Variants in EFCAB6 observed in about 807,000 individuals in gnomAD.
EFCAB6 encodes the protein EF-hand calcium binding domain 6, also known as EF-hand calcium-binding domain-containing protein 6.
In EFCAB6, 156 loss-of-function variants were observed where a neutral mutation model predicts 169.8. That is an observed-to-expected ratio of 0.92 (90% CI 0.81 to 1.05). The LOEUF (loss-of-function observed/expected upper bound fraction) is 1.05, where lower values mean the gene tolerates loss of function less well. Ranked by LOEUF, EFCAB6 falls within the 50% of genes least tolerant of loss-of-function variation. The probability of loss-of-function intolerance (pLI) is 0.00; values close to 1 mark genes in which losing one functional copy is unlikely to be tolerated. For missense variants in EFCAB6, 1,800 were observed against 1,829.1 expected (o/e 0.98, Z 0.29); for synonymous variants, 698 against 676.4 (o/e 1.03, Z -0.50).
At chr22:43,550,057 G>C (rs1298817997) in intron 27 of EFCAB6, among the ~76,000 whole-genome samples, 2 of 152,194 alleles carry the variant, frequency 1.3e-5, no homozygotes, top group Admixed American at 6.5e-5. Flanking sequence ...GCTTTGCTCT[G>C]CATGGAGTCA....
intron 6 of EFCAB6, among the ~76,000 whole-genome samples, chr22:43,738,308 C>T (rs560264032): frequency 4.0e-5 from 6 of 149,080 alleles, no homozygotes; most frequent in East Asian, 2.0e-4. Flanking sequence ...ACACTCACAC[C>T]GTCACTCACA....
intron 24 of EFCAB6, among the ~76,000 whole-genome samples, chr22:43,583,801 C>A (rs998104548): frequency 1.3e-5 from 2 of 152,168 alleles, no homozygotes; most frequent in Admixed American, 6.5e-5. Flanking sequence ...CAATTCTGAA[C>A]TTCCTAGCCT....
chr22:43,645,374 T>C (rs2056090053), intron 17 of EFCAB6, among the ~76,000 whole-genome samples: 1 of 152,254 alleles, frequency 6.6e-6, no homozygotes, highest in South Asian at 2.1e-4. Flanking sequence ...TCTAAAACTT[T>C]AGTACTTTTC....
At chr22:43,540,589 AT>A in intron 27 of EFCAB6, 1 of 1,463,502 alleles carries the variant, frequency 6.8e-7, no homozygotes, top group Admixed American at 2.3e-5. Context: ...TCTGCAGGAC[AT>A]TTTTTAATTG....
intron 24 of EFCAB6, among the ~76,000 whole-genome samples, chr22:43,585,626 G>C (rs1269015649): frequency 6.6e-6 from 1 of 152,022 alleles, no homozygotes; most frequent in Non-Finnish European, 1.5e-5. Context: ...CAAAATTAAT[G>C]ACAGACAGCA....
chr22:43,751,970 C>T (rs1439244818), intron 6 of EFCAB6, among the ~76,000 whole-genome samples: 1 of 152,164 alleles, frequency 6.6e-6, no homozygotes, highest in Non-Finnish European at 1.5e-5. Flanking sequence ...GCTATTATTA[C>T]TAGAGTTGGC....
intron 10 of EFCAB6, among the ~76,000 whole-genome samples, chr22:43,696,789 G>C (rs1179505685): frequency 2.6e-5 from 4 of 152,144 alleles, no homozygotes; most frequent in African/African-American, 9.7e-5. Flanking sequence ...GGTTGCCGGA[G>C]GTGGGGGTCA....
chr22:43,541,315 G>C (rs1466101707), intron 27 of EFCAB6, among the ~76,000 whole-genome samples: 1 of 152,138 alleles, frequency 6.6e-6, no homozygotes, highest in Non-Finnish European at 1.5e-5. Flanking sequence ...GGAGAGGTAC[G>C]GAAGTCGGGG....
intron 10 of EFCAB6, among the ~76,000 whole-genome samples, chr22:43,698,502 A>G (rs1253134352): frequency 6.6e-6 from 1 of 152,154 alleles, no homozygotes; most frequent in African/African-American, 2.4e-5. Context: ...TTGAGTGAAG[A>G]AGGTGTGGCA....
At chr22:43,702,104 A>G (rs954968431) in intron 10 of EFCAB6, among the ~76,000 whole-genome samples, 1 of 152,238 alleles carries the variant, frequency 6.6e-6, no homozygotes. Context: ...TAAAACAATC[A>G]CAAGGCACTA....
At chr22:43,629,255 C>T (rs529627992) in intron 19 of EFCAB6, among the ~76,000 whole-genome samples, 4 of 152,206 alleles carry the variant, frequency 2.6e-5, no homozygotes, top group Non-Finnish European at 4.4e-5. Context: ...TTCAGCTTCC[C>T]CAATGTTAGT....
At chr22:43,784,539 GTGTGTATATGTATATATACACA>G in intron 2 of EFCAB6, among the ~76,000 whole-genome samples, 1 of 91,958 alleles carries the variant, frequency 1.1e-5, no homozygotes, top group Non-Finnish European at 2.1e-5. Flanking sequence ...GTGTGTGTGT[GTGTGTATATGTATATATACACA>G]TATATATGTG....
chr22:43,729,284 A>C (rs2059850380), intron 8 of EFCAB6, among the ~76,000 whole-genome samples: 1 of 152,176 alleles, frequency 6.6e-6, no homozygotes, highest in Non-Finnish European at 1.5e-5. Context: ...AAATAGAGAC[A>C]GGGTCTTGCT....
rs376790303 is a variant in EFCAB6 at position 43,773,082 on chromosome 22, G to T, written c.161C>A (p.Thr54Lys). Residue 54 changes from threonine (T) to lysine (K), a missense_variant, in exon 4 of 32, where the codon ACA becomes AAA. Thr to Lys is a moderately conservative substitution (Grantham distance 78, BLOSUM62 -1). Coordinates refer to ENST00000262726, the MANE Select transcript of EFCAB6 (RefSeq NM_022785.4). ...SSSTTAVANP[T>K]LSSLDVKRIL... The stretch of plus-strand genomic sequence containing the variant: ...CCGTTTAACATCTAAGGAGGACAGT[G>T]TTGGATTTGCAACAGCTGTGGCTAT... 7 of 1,614,100 alleles carry T rather than the reference G, an allele frequency of 4.3e-6. No homozygotes were observed. In the African/African-American group the frequency reaches 9.3e-5, roughly 22 times the overall value.
intron 18 of EFCAB6, among the ~76,000 whole-genome samples, chr22:43,633,623 G>A (rs2055146540): frequency 6.6e-6 from 1 of 152,188 alleles, no homozygotes; most frequent in Non-Finnish European, 1.5e-5. Context: ...TTAGGCTGGG[G>A]TCATCTGAGT....
intron 31 of EFCAB6, chr22:43,530,608 C>T (rs1234839231): frequency 1.0e-6 from 1 of 985,316 alleles, no homozygotes; most frequent in Non-Finnish European, 1.2e-6. Context: ...GCTCCAGCAA[C>T]CTTTGGGAAG....
At chr22:43,727,943 C>T (rs2059798546) in intron 8 of EFCAB6, among the ~76,000 whole-genome samples, 1 of 151,356 alleles carries the variant, frequency 6.6e-6, no homozygotes, top group Non-Finnish European at 1.5e-5. Context: ...ATGTGCAGAA[C>T]ATGCAGGTCT....
At chr22:43,569,052 G>A (rs1235944208) in intron 26 of EFCAB6, among the ~76,000 whole-genome samples, 1 of 152,316 alleles carries the variant, frequency 6.6e-6, no homozygotes, top group Admixed American at 6.5e-5. Context: ...GGCCGGCCCT[G>A]TGCTACTTCC....
At chr22:43,787,971 T>A (rs2062142728) in intron 2 of EFCAB6, among the ~76,000 whole-genome samples, 1 of 152,192 alleles carries the variant, frequency 6.6e-6, no homozygotes, top group Non-Finnish European at 1.5e-5. Context: ...TAATTGATAC[T>A]TGTCAAGGGT....
Sources: gnomAD v4.1 joint callset for allele counts (sites outside exome capture counted in the v4.1 genomes callset) on GRCh38, gnomAD v4.1.1 for gene constraint, MANE v1.5 for transcripts, NCBI Gene and HGNC (gene_info 2026-07-23, HGNC 2026-07-21) for gene names.